Variants in DIPK1A observed in about 807,000 individuals in gnomAD.
The protein encoded by DIPK1A is family with sequence similarity 69 member A.
Under a neutral mutation model 40.8 loss-of-function variants are expected in DIPK1A, and 27 were observed. The ratio of observed to expected loss-of-function variants is 0.66; its 90% CI spans 0.49 to 0.91. DIPK1A has a LOEUF of 0.91. Among genes scored for constraint, DIPK1A ranks in the 40% least tolerant of loss-of-function variants. The pLI is 0.00. For synonymous variants in DIPK1A, 166 were observed against 171.3 expected (o/e 0.97, Z 0.24); for missense variants, 412 against 505.7 (o/e 0.81, Z 1.78).
At chr1:92,941,178 G>A (rs1231829197) in intron 1 of DIPK1A, among the ~76,000 whole-genome samples, 4 of 151,996 alleles carry the variant, frequency 2.6e-5, no homozygotes, top group South Asian at 2.1e-4. Flanking sequence ...ATCTAAGAAC[G>A]TGCAGTAACT....
rs1687665115 is a variant in DIPK1A at position 92,847,088 on chromosome 1, A to C, written c.474+95T>G. The C allele has an allele frequency of 3.9e-6, 3 of 778,136 alleles. No individual in the cohort carries two copies. The South Asian group carries it at 1.0e-4, about 26-fold the overall frequency. The allele number at this position is 778,136 out of a possible 1,614,324, so 48.2% of individuals were successfully genotyped here. On this transcript the variant is annotated intron_variant, in intron 4 of 4. Transcript: ENST00000370310. ...GGATGGAGAATCTGATAGAGGTCAAAGAATATCAACACTTTAATGGCTTAG... is the reference window on the plus strand; with the variant it reads ...GGATGGAGAATCTGATAGAGGTCAACGAATATCAACACTTTAATGGCTTAG...
intron 1 of DIPK1A, among the ~76,000 whole-genome samples, chr1:92,893,710 A>G (rs1023695538): frequency 1.2e-4 from 19 of 152,056 alleles, no homozygotes; most frequent in Non-Finnish European, 2.1e-4. Flanking sequence ...AGACTGGCAA[A>G]TTGGATAAAG....
chr1:92,890,434 A>G (rs1463435106), intron 1 of DIPK1A, among the ~76,000 whole-genome samples: 2 of 152,162 alleles, frequency 1.3e-5, no homozygotes, highest in Admixed American at 1.3e-4. Flanking sequence ...CTTGTTCAGT[A>G]TCATGTTGGC....
In DIPK1A at chr1:92,842,642, G is replaced by C; in HGVS notation, c.*741C>G. ...CCCACTTTCACATAGTTCAAAATCA[G>C]GATATGTGGATCTTGATTGGGCCTT... On this transcript the variant is annotated 3_prime_UTR_variant, in exon 5 of 5. Transcript: ENST00000370310. 1 of 985,192 alleles carries C rather than the reference G, an allele frequency of 1.0e-6. No individual in the cohort carries two copies. Among genetic ancestry groups the C allele is most frequent in the Non-Finnish European group, 1.2e-6 (1 of 829,736 alleles). The allele number at this position is 985,192 out of a possible 1,614,324, so 61.0% of individuals were successfully genotyped here.
intron 1 of DIPK1A, among the ~76,000 whole-genome samples, chr1:92,928,698 A>G (rs1194342168): frequency 6.6e-6 from 1 of 152,236 alleles, no homozygotes; most frequent in African/African-American, 2.4e-5. Context: ...ATGGTGGCAC[A>G]TGCCTGTAAT....
At chr1:92,940,063 C>G (rs1651093416) in intron 1 of DIPK1A, among the ~76,000 whole-genome samples, 1 of 152,068 alleles carries the variant, frequency 6.6e-6, no homozygotes, top group Admixed American at 6.5e-5. Context: ...GGCTTAATCC[C>G]CCATTTAAGA....
intron 2 of DIPK1A, among the ~76,000 whole-genome samples, chr1:92,865,928 G>C (rs1402198260): frequency 6.6e-6 from 1 of 152,068 alleles, no homozygotes; most frequent in African/African-American, 2.4e-5. Context: ...TCAACATTCT[G>C]TTTGTTTTTA....
At chr1:92,891,866 C>T (rs572346891) in intron 1 of DIPK1A, among the ~76,000 whole-genome samples, 158 of 152,344 alleles carry the variant, frequency 1.0e-3, no homozygotes, top group African/African-American at 3.6e-3. Context: ...TTATATCCTA[C>T]GCATGGCTTG....
In DIPK1A at chr1:92,872,006, T is replaced by C. The variant is rs147537696; in HGVS notation, c.189+4290A>G. On this transcript the variant is annotated intron_variant, in intron 2 of 4. Transcript: ENST00000370310. ...GAAGTGGATTTACTGGATCATATGG[T>C]AATTCCATGTTTAACAATTTGAGAA... 1.1e-4 allele frequency among the ~76,000 whole-genome samples: 16 copies of C among 151,634 alleles called. No homozygotes were observed. In the East Asian group the frequency reaches 2.5e-3, roughly 24 times the overall value.
At chr1:92,858,999 T>C (rs1688078733) in intron 2 of DIPK1A, among the ~76,000 whole-genome samples, 2 of 152,192 alleles carry the variant, frequency 1.3e-5, no homozygotes, top group South Asian at 2.1e-4. Flanking sequence ...GTGATTCTCC[T>C]AAATGCCTCT....
At chr1:92,943,185 G>C (rs1260656980) in intron 1 of DIPK1A, among the ~76,000 whole-genome samples, 2 of 152,114 alleles carry the variant, frequency 1.3e-5, no homozygotes, top group Non-Finnish European at 1.5e-5. Flanking sequence ...AAGAAACAAA[G>C]AAAGAAAGAA....
downstream of DIPK1A, chr1:92,840,902 G>C: frequency 3.5e-6 from 2 of 577,312 alleles, no homozygotes; most frequent in Non-Finnish European, 6.6e-6. Context: ...GCTTTTTGTT[G>C]ATCTTTCATG....
At chr1:92,915,960 T>C (rs1332384064) in intron 1 of DIPK1A, among the ~76,000 whole-genome samples, 2 of 152,212 alleles carry the variant, frequency 1.3e-5, no homozygotes, top group Admixed American at 1.3e-4. Context: ...TGATACATGC[T>C]ACAACATGGA....
intron 1 of DIPK1A, among the ~76,000 whole-genome samples, chr1:92,935,140 T>A (rs749976944): frequency 6.6e-6 from 1 of 152,194 alleles, no homozygotes; most frequent in African/African-American, 2.4e-5. Flanking sequence ...TACAGCTAGT[T>A]GGTGACAGGA....
At chr1:92,886,423 C>T (rs952528768) in intron 1 of DIPK1A, among the ~76,000 whole-genome samples, 3 of 151,984 alleles carry the variant, frequency 2.0e-5, no homozygotes, top group Non-Finnish European at 4.4e-5. Context: ...TGGGCTCAAG[C>T]AATTGGCCTG....
At chr1:92,889,558 T>C (rs540089682) in intron 1 of DIPK1A, among the ~76,000 whole-genome samples, 1 of 152,312 alleles carries the variant, frequency 6.6e-6, no homozygotes, top group Admixed American at 6.5e-5. Context: ...TTGATAGGGA[T>C]TGCACAGAAT....
intron 2 of DIPK1A, among the ~76,000 whole-genome samples, chr1:92,858,937 A>C (rs1172239512): frequency 6.6e-6 from 1 of 152,254 alleles, no homozygotes. Context: ...CCATAGGATG[A>C]TCAGCGAAAA....
intron 1 of DIPK1A, 102 bp from the exon 2 acceptor site, chr1:92,876,532 T>C (rs1178487672): frequency 6.5e-6 from 8 of 1,229,232 alleles, no homozygotes; most frequent in South Asian, 3.1e-5. Context: ...ACTCAATATA[T>C]ATTCCAGGCT....
rs190388920 is a variant in DIPK1A at position 92,915,552 on chromosome 1, G to A, written c.55-39122C>T. Among the ~76,000 whole-genome samples the A allele has an allele frequency of 1.4e-3, 212 of 152,254 alleles. 1 individual carries two copies. Among genetic ancestry groups the A allele is most frequent in the African/African-American group, 4.8e-3 (198 of 41,564 alleles). ...ATCAGCTTTCCCTAATGATAGTGAT[G>A]ACAGTATCAGTAAGAATAGTTAGCA... On this transcript the variant is annotated intron_variant, in intron 1 of 4. Coordinates refer to ENST00000370310, the MANE Select transcript of DIPK1A (RefSeq NM_001006605.5).
Sources: allele counts gnomAD v4.1 joint callset (sites outside exome capture counted in the v4.1 genomes callset), GRCh38; gene constraint gnomAD v4.1.1; transcripts MANE v1.5; gene names NCBI Gene and HGNC (gene_info 2026-07-23, HGNC 2026-07-21).